Variants in RBM34 observed in about 807,000 individuals in gnomAD.
RBM34 encodes RNA-binding protein 34.
A neutral mutation model predicts 44.6 loss-of-function variants in RBM34; 39 were observed. That is an observed-to-expected ratio of 0.87 (90% confidence interval 0.68 to 1.14). RBM34 has a LOEUF of 1.14. Among genes scored for constraint, RBM34 ranks in the 50% most tolerant of loss-of-function variants. RBM34 has a pLI of 0.00. For synonymous variants in RBM34, 194 were observed against 184.0 expected (o/e 1.05, Z -0.44); for missense variants, 572 against 517.9 (o/e 1.10, Z -1.01).
At position 235,161,233 on chromosome 1, in the gene RBM34, T is replaced by G; in HGVS notation, c.-7A>C. 1 of 1,613,382 alleles carries G rather than the reference T, an allele frequency of 6.2e-7. No individual in the cohort carries two copies. Among genetic ancestry groups the G allele is most frequent in the Non-Finnish European group, 8.5e-7 (1 of 1,179,820 alleles). The stretch of plus-strand genomic sequence containing the variant: ...TCATCCCTTCCAAGGCCATTCTTAC[T>G]CCAAAGACTCCCAGACTGCAGCTGC... On this transcript the variant is annotated 5_prime_UTR_variant, in exon 1 of 11. Transcript: ENST00000408888.
chr1:235,154,915 A>C lies in RBM34; in HGVS notation c.563T>G (p.Phe188Cys), dbSNP rs1197311942. The change falls in exon 4 of 11, where the codon TTT becomes TGT. Residue 188 changes from phenylalanine (F) to cysteine (C), a missense_variant. Coordinates refer to ENST00000408888, the MANE Select transcript of RBM34 (RefSeq NM_015014.4). Reference sequence around the variant, plus strand: ...ACATGTAACAGGCAAATTCCCAACAAACACAGTTCTCTCATTCTTTAATCT... The same window carrying C: ...ACATGTAACAGGCAAATTCCCAACACACACAGTTCTCTCATTCTTTAATCT... The part of the protein sequence containing the change: ...EERLKNERTV[F>C]VGNLPVTCNK... The C allele has an allele frequency of 1.9e-6, 3 of 1,613,966 alleles. No individual in the cohort carries two copies. The East Asian group carries it at 6.7e-5, about 36-fold the overall frequency.
chr1:235,157,556 T>C (rs1662503645), intron 3 of RBM34, among the ~76,000 whole-genome samples: 1 of 150,698 alleles, frequency 6.6e-6, no homozygotes, highest in Admixed American at 6.6e-5. Flanking sequence ...AACATACATG[T>C]CTGGAGATCA....
intron 6 of RBM34, among the ~76,000 whole-genome samples, chr1:235,141,217 C>CA (rs1330942711): frequency 1.4e-5 from 2 of 138,318 alleles, no homozygotes; most frequent in African/African-American, 5.4e-5. Context: ...GGGCCTTGGA[C>CA]AACCTTTATG....
chr1:235,135,316 C>T (rs1176667344), intron 10 of RBM34, among the ~76,000 whole-genome samples: 2 of 151,790 alleles, frequency 1.3e-5, no homozygotes, highest in Non-Finnish European at 2.9e-5. Flanking sequence ...GCAACCTCCA[C>T]CTCCCGGGTT....
chr1:235,152,634 A>G (rs1662212372), intron 5 of RBM34, 72 bp downstream of exon 5: 1 of 1,566,854 alleles, frequency 6.4e-7, no homozygotes. Flanking sequence ...TCTCACTAAC[A>G]GCAATAAGTT....
chr1:235,131,478 A>C lies in RBM34; in HGVS notation c.*235T>G. Reference sequence around the variant, plus strand: ...AGCCAAGATCACGCCACTGCACTCCAGCCTGGGAGACAACAGCCAAACTCC... The same window carrying C: ...AGCCAAGATCACGCCACTGCACTCCCGCCTGGGAGACAACAGCCAAACTCC... On this transcript the variant is annotated 3_prime_UTR_variant, in exon 11 of 11. Coordinates refer to ENST00000408888, the MANE Select transcript of RBM34 (RefSeq NM_015014.4). 1 of 429,784 alleles carries C rather than the reference A, an allele frequency of 2.3e-6. No homozygotes were observed. Among genetic ancestry groups the C allele is most frequent in the East Asian group, 3.9e-5 (1 of 25,378 alleles). 26.6% of individuals were successfully genotyped at this position (429,784 alleles called of 1,614,324 possible).
chr1:235,134,595 G>C (rs1379487533), intron 10 of RBM34, among the ~76,000 whole-genome samples: 1 of 152,142 alleles, frequency 6.6e-6, no homozygotes, highest in Admixed American at 6.5e-5. Flanking sequence ...CTATCATACA[G>C]AAGGTAGAGA....
At chr1:235,138,486 C>T (rs902259706) in intron 6 of RBM34, among the ~76,000 whole-genome samples, 12 of 152,146 alleles carry the variant, frequency 7.9e-5, no homozygotes, top group African/African-American at 2.2e-4. Flanking sequence ...AGCTGCAGTC[C>T]GTATCTAACA....
At position 235,137,815 on chromosome 1, in the gene RBM34, C is replaced by T; in HGVS notation, c.849+62G>A. 4 of 1,323,804 alleles carry T rather than the reference C, an allele frequency of 3.0e-6. No homozygotes were observed. In the South Asian group the frequency reaches 5.3e-5, roughly 17 times the overall value. 82.0% of individuals were successfully genotyped at this position (1,323,804 alleles called of 1,614,324 possible). ...ATTCCAGTCCCCTTCCAGGAAAAGCCTGGAAGGAAACATTTCTCTCTACAA... is the reference window on the plus strand; with the variant it reads ...ATTCCAGTCCCCTTCCAGGAAAAGCTTGGAAGGAAACATTTCTCTCTACAA... On this transcript the variant is annotated intron_variant, in intron 8 of 10. Transcript: ENST00000408888.
At chr1:235,148,259 C>G (rs530017144) in intron 6 of RBM34, 145 bp downstream of exon 6, 87 of 500,736 alleles carry the variant, frequency 1.7e-4, no homozygotes, top group Admixed American at 1.6e-3. Context: ...TCTAAAGGCT[C>G]TCAAATACAG....
At chr1:235,143,713 G>A (rs1315506678) in intron 6 of RBM34, among the ~76,000 whole-genome samples, 1 of 152,140 alleles carries the variant, frequency 6.6e-6, no homozygotes, top group Non-Finnish European at 1.5e-5. Flanking sequence ...ACTCCAGCCT[G>A]AGCGACAGAG....
chr1:235,157,281 C>T (rs193058078), intron 3 of RBM34, among the ~76,000 whole-genome samples: 3 of 152,058 alleles, frequency 2.0e-5, no homozygotes, highest in Admixed American at 6.6e-5. Context: ...CCAGACTGAC[C>T]AGAGCAGGGA....
intron 3 of RBM34, among the ~76,000 whole-genome samples, chr1:235,158,152 C>T (rs1322407380): frequency 2.0e-5 from 3 of 151,662 alleles, no homozygotes; most frequent in East Asian, 3.9e-4. Context: ...CGGTGGCTCA[C>T]GCCTGTAATC....
Position 235,153,273 on chromosome 1 carries a change from A to C in RBM34, c.598-508T>G, listed in dbSNP as rs938466045. Among the ~76,000 whole-genome samples, 4 of 152,112 alleles carry C rather than the reference A, an allele frequency of 2.6e-5. No homozygotes were observed. The South Asian group carries it at 8.3e-4, about 31-fold the overall frequency. On this transcript the variant is annotated intron_variant, in intron 4 of 10. Coordinates refer to ENST00000408888, the MANE Select transcript of RBM34 (RefSeq NM_015014.4). ...GTGAGACTCTGTCTCAAAAAAAAAAAAAGAAAACACAATTCAAGCTCCTAT... is the reference window on the plus strand; with the variant it reads ...GTGAGACTCTGTCTCAAAAAAAAAACAAGAAAACACAATTCAAGCTCCTAT...
At chr1:235,153,314 G>A (rs778842960) in intron 4 of RBM34, among the ~76,000 whole-genome samples, 1 of 151,364 alleles carries the variant, frequency 6.6e-6, no homozygotes, top group African/African-American at 2.4e-5. Flanking sequence ...TCCATCGGAT[G>A]TATGCTTTTC....
chr1:235,159,240 G>A (rs1198210368), intron 3 of RBM34, among the ~76,000 whole-genome samples: 4 of 151,290 alleles, frequency 2.6e-5, no homozygotes, highest in Non-Finnish European at 5.9e-5. Flanking sequence ...GTTAATGAGG[G>A]AAATGAATAA....
At chr1:235,140,435 G>A (rs919631997) in intron 6 of RBM34, among the ~76,000 whole-genome samples, 8 of 152,192 alleles carry the variant, frequency 5.3e-5, no homozygotes, top group Admixed American at 1.3e-4. Context: ...CTTAGCACCC[G>A]GGCCAGTGGC....
At position 235,138,181 on chromosome 1, in the gene RBM34, C is replaced by CAAAAAAAAA; in HGVS notation, c.702-16_702-8dup. On this transcript the variant is annotated splice_region_variant and splice_polypyrimidine_tract_variant and intron_variant, in intron 6 of 10. Coordinates refer to ENST00000408888, the MANE Select transcript of RBM34 (RefSeq NM_015014.4). ...ATCAGGATGAATTTTACGTCTACACCAAAAAAAAAAAAAGAAAGAAAGAAA... is the reference window on the plus strand; with the variant it reads ...ATCAGGATGAATTTTACGTCTACACCAAAAAAAAAAAAAAAAAAAAAAGAAAGAAAGAAA... 7.0e-7 allele frequency: 1 copy of CAAAAAAAAA among 1,436,440 alleles called. No homozygotes were observed. The highest frequency in any genetic ancestry group is 9.4e-7 in the Non-Finnish European group (1 of 1,063,762). The allele number at this position is 1,436,440 out of a possible 1,614,324, so 89.0% of individuals were successfully genotyped here.
chr1:235,144,389 TG>T (rs1291510563), intron 6 of RBM34, among the ~76,000 whole-genome samples: 1 of 151,784 alleles, frequency 6.6e-6, no homozygotes, highest in Non-Finnish European at 1.5e-5. Flanking sequence ...GATGATAAAG[TG>T]TTTGGTATCT....
Sources: allele counts gnomAD v4.1 joint callset (sites outside exome capture counted in the v4.1 genomes callset), GRCh38; gene constraint gnomAD v4.1.1; transcripts MANE v1.5; gene names NCBI Gene and HGNC (gene_info 2026-07-23, HGNC 2026-07-21).